The following CCDC3 variants were observed in gnomAD, a reference collection of about 807,000 sequenced individuals.
CCDC3 encodes the protein coiled-coil domain-containing protein 3.
A neutral mutation model predicts 21.4 loss-of-function variants in CCDC3; 24 were observed. That is an observed-to-expected ratio of 1.12 (90% CI 0.81 to 1.58). The LOEUF (loss-of-function observed/expected upper bound fraction) is 1.58, where lower values mean the gene tolerates loss of function less well. Ranked by LOEUF, CCDC3 falls within the 40% of genes most tolerant of loss-of-function variation. CCDC3 has a pLI of 0.00. For synonymous variants in CCDC3, 186 were observed against 166.0 expected (o/e 1.12, Z -0.93); for missense variants, 425 against 360.9 (o/e 1.18, Z -1.44).
chr10:13,058,723 G>A (rs1836714447), intron 4 of CCDC3: 1 of 308,396 alleles, frequency 3.2e-6, no homozygotes, highest in Admixed American at 4.3e-5. Flanking sequence ...AGACCTGCAG[G>A]CCTATTACTT....
intron 1 of CCDC3, among the ~76,000 whole-genome samples, chr10:13,000,860 C>G (rs747786826): frequency 1.3e-5 from 2 of 152,130 alleles, no homozygotes; most frequent in Non-Finnish European, 2.9e-5. Flanking sequence ...TTTTTCTCAC[C>G]GTCCCAATCT....
intron 2 of CCDC3, among the ~76,000 whole-genome samples, chr10:12,916,391 C>T (rs528682913): frequency 1.4e-5 from 2 of 146,778 alleles, no homozygotes; most frequent in East Asian, 4.1e-4. Context: ...CGTGCCACTG[C>T]ACTCCAGCCT....
chr10:12,998,210 G>T, intron 2 of CCDC3, 128 bp downstream of exon 2: 1 of 925,712 alleles, frequency 1.1e-6, no homozygotes, highest in Admixed American at 2.9e-5. Context: ...GAGAGAGAGA[G>T]GGCATACGCT....
chr10:13,025,353 C>G (rs531265436), intron 5 of CCDC3, among the ~76,000 whole-genome samples: 1 of 152,322 alleles, frequency 6.6e-6, no homozygotes, highest in African/African-American at 2.4e-5. Flanking sequence ...TCAAGCCTTC[C>G]CTTGCATCAG....
At chr10:13,043,119 T>C (rs904331197) in intron 5 of CCDC3, among the ~76,000 whole-genome samples, 7 of 152,086 alleles carry the variant, frequency 4.6e-5, no homozygotes, top group African/African-American at 1.4e-4. Context: ...GTTTGTTATA[T>C]GGGTATATTT....
intron 2 of CCDC3, among the ~76,000 whole-genome samples, chr10:12,914,184 T>C (rs1186797916): frequency 1.3e-5 from 2 of 152,218 alleles, no homozygotes; most frequent in Admixed American, 6.5e-5. Flanking sequence ...TGGTAGAATT[T>C]AGTAGCAAAG....
rs551058747 is a variant in CCDC3 at position 13,045,776 on chromosome 10, T to C, written c.-2+3898A>G. 3.9e-5 allele frequency among the ~76,000 whole-genome samples: 6 copies of C among 152,246 alleles called. No individual in the cohort carries two copies. The South Asian group carries it at 1.2e-3, about 32-fold the overall frequency. ...GTTGCTACTGCTACCGTAAGCACTA[T>C]AAAACTTTTTTCATGTAAAGAAGTA... is the stretch of plus-strand genomic sequence containing the variant. On this transcript the variant is annotated intron_variant, in intron 5 of 6. Coordinates refer to the CCDC3 transcript ENST00000378839.
chr10:12,929,122 C>T (rs937374356), intron 2 of CCDC3, among the ~76,000 whole-genome samples: 11 of 151,850 alleles, frequency 7.2e-5, no homozygotes, highest in Admixed American at 1.3e-4. Flanking sequence ...ATTAGCTGGG[C>T]GCGATGGCAG....
intron 2 of CCDC3, among the ~76,000 whole-genome samples, chr10:12,940,241 T>C (rs1192621109): frequency 2.0e-5 from 3 of 147,298 alleles, no homozygotes; most frequent in Admixed American, 1.4e-4. Flanking sequence ...TTTTTTTTTT[T>C]TTTTTTTTCC....
intron 4 of CCDC3, among the ~76,000 whole-genome samples, chr10:13,060,256 G>A (rs978030555): frequency 2.0e-4 from 31 of 152,134 alleles, no homozygotes; most frequent in Non-Finnish European, 3.1e-4. Flanking sequence ...ACCTTGCTGT[G>A]CGTGTCTGGG....
chr10:12,925,150 C>G (rs1380571394), intron 2 of CCDC3, among the ~76,000 whole-genome samples: 1 of 152,122 alleles, frequency 6.6e-6, no homozygotes, highest in Non-Finnish European at 1.5e-5. Flanking sequence ...GAGAGCCCAA[C>G]TGGGGAGCAA....
chr10:12,954,984 T>A (rs905497044), intron 2 of CCDC3, among the ~76,000 whole-genome samples: 9 of 152,322 alleles, frequency 5.9e-5, no homozygotes, highest in African/African-American at 2.2e-4. Context: ...TTTTAGAATG[T>A]GTACTGTCCC....
At chr10:13,085,696 G>A (rs1396578698) in intron 3 of CCDC3, among the ~76,000 whole-genome samples, 4 of 152,236 alleles carry the variant, frequency 2.6e-5, no homozygotes, top group Non-Finnish European at 5.9e-5. Context: ...GCCAGGTGCA[G>A]TGGCTCATGC....
intron 2 of CCDC3, among the ~76,000 whole-genome samples, chr10:12,929,157 G>A (rs1834597687): frequency 6.6e-6 from 1 of 151,612 alleles, no homozygotes; most frequent in South Asian, 2.1e-4. Context: ...AGCTACTTGG[G>A]AGGCTAAGGC....
At chr10:13,024,419 C>G (rs1244883571) in intron 5 of CCDC3, among the ~76,000 whole-genome samples, 1 of 152,098 alleles carries the variant, frequency 6.6e-6, no homozygotes, top group Admixed American at 6.6e-5. Flanking sequence ...TTTTAAGATT[C>G]TTAGTATATT....
intron 2 of CCDC3, among the ~76,000 whole-genome samples, chr10:12,967,292 T>C (rs1835275717): frequency 6.6e-6 from 1 of 152,188 alleles, no homozygotes; most frequent in Non-Finnish European, 1.5e-5. Flanking sequence ...ACAAATAATA[T>C]ATCATATTCT....
At chr10:13,034,819 G>GT (rs1836357102) in intron 5 of CCDC3, among the ~76,000 whole-genome samples, 1 of 152,084 alleles carries the variant, frequency 6.6e-6, no homozygotes, top group Admixed American at 6.6e-5. Flanking sequence ...GAGGTCAGGA[G>GT]TTTGAGACCA....
At chr10:13,033,649 A>G (rs1234896229) in intron 5 of CCDC3, among the ~76,000 whole-genome samples, 1 of 152,214 alleles carries the variant, frequency 6.6e-6, no homozygotes, top group East Asian at 1.9e-4. Flanking sequence ...TTACAAGAAA[A>G]AAGCAAACAA....
chr10:12,906,067 C>G (rs2225465), intron 2 of CCDC3, among the ~76,000 whole-genome samples: 20,729 of 152,108 alleles, frequency 0.14, 1,758 homozygotes, highest in East Asian at 0.27. Context: ...TCTTTAAAAG[C>G]CTTTAGAGAT....
Sources: gnomAD v4.1 joint callset for allele counts (sites outside exome capture counted in the v4.1 genomes callset) on GRCh38, gnomAD v4.1.1 for gene constraint, MANE v1.5 for transcripts, NCBI Gene and HGNC (gene_info 2026-07-23, HGNC 2026-07-21) for gene names.